GAPVD1: variants seen among roughly 807,000 people sequenced by gnomAD.
GAPVD1 encodes GTPase-activating protein and VPS9 domain-containing protein 1.
GAPVD1 carries 35 observed loss-of-function variants against 155.5 expected under a neutral mutation model. The ratio of observed to expected loss-of-function variants is 0.23; its 90% confidence interval spans 0.17 to 0.30. The LOEUF (loss-of-function observed/expected upper bound fraction) is 0.30. Among genes scored for constraint, GAPVD1 ranks in the 10% least tolerant of loss-of-function variants. The pLI is 1.00. For synonymous variants in GAPVD1, 636 were observed against 619.7 expected (o/e 1.03, Z -0.39); for missense variants, 1,429 against 1,775.7 (o/e 0.80, Z 3.51).
chr9:125,307,580 A>G, intron 7 of GAPVD1, 33 bp downstream of exon 7: 1 of 1,597,988 alleles, frequency 6.3e-7, no homozygotes, highest in Non-Finnish European at 8.6e-7. Context: ...GAATTTCTCG[A>G]AAGTCTTTTA....
chr9:125,268,912 C>CT (rs766765394), intron 1 of GAPVD1, 24 bp from the exon 2 acceptor site: 6 of 151,724 alleles, frequency 4.0e-5, no homozygotes, highest in Non-Finnish European at 7.4e-5. Flanking sequence ...TTATTTTTTC[C>CT]TTTTTCCTTT....
intron 2 of GAPVD1, among the ~76,000 whole-genome samples, chr9:125,281,230 A>G (rs1297342447): frequency 4.6e-5 from 7 of 152,214 alleles, no homozygotes; most frequent in African/African-American, 1.4e-4. Flanking sequence ...TCAAGTTTGT[A>G]TAATTTTTTT....
intron 2 of GAPVD1, among the ~76,000 whole-genome samples, chr9:125,292,687 G>C (rs964809218): frequency 6.6e-6 from 1 of 152,174 alleles, no homozygotes; most frequent in Admixed American, 6.5e-5. Flanking sequence ...ACCACGCCCG[G>C]CTGGTCCAGG....
intron 4 of GAPVD1, among the ~76,000 whole-genome samples, chr9:125,300,034 A>T (rs1840546816): frequency 3.0e-4 from 6 of 20,314 alleles, no homozygotes; most frequent in African/African-American, 1.0e-3. Context: ...AAAAAAAAAA[A>T]AAAAATATAT....
intron 2 of GAPVD1, chr9:125,287,981 C>G (rs536297502): frequency 6.6e-6 from 1 of 152,122 alleles, no homozygotes; most frequent in East Asian, 1.9e-4. Context: ...CTCAAGTGAT[C>G]CGCCTGTCTT....
rs1399033266 is a variant in GAPVD1 at position 125,350,727 on chromosome 9, T to C, written c.3424T>C (p.Cys1142Arg). 6.6e-7 allele frequency: 1 copy of C among 1,526,014 alleles called. No homozygotes were observed. Among genetic ancestry groups the C allele is most frequent in the African/African-American group, 1.4e-5 (1 of 73,194 alleles). 94.5% of individuals were successfully genotyped at this position (1,526,014 alleles called of 1,614,324 possible). A position where few individuals can be genotyped will look rare whatever the true frequency, so the allele number is the denominator to read the frequency against. The change falls in exon 23 of 28, where the codon TGC becomes CGC. Residue 1142 changes from cysteine (C) to arginine (R), a missense_variant. Around this residue, in one of 4 missense-constraint regions of GAPVD1, gnomAD observed 699 missense variants for 826.0 expected, o/e 0.85. Coordinates refer to ENST00000297933, the MANE Select transcript of GAPVD1 (RefSeq NM_001282680.3). ...HTDPEDNEIV[C>R]FLKVQIAEAI... Reference sequence around the variant, plus strand: ...CTTTTATTTAGACAATGAAATTGTATGCTTCTTAAAAGTTCAAATAGCTGA... The same window carrying C: ...CTTTTATTTAGACAATGAAATTGTACGCTTCTTAAAAGTTCAAATAGCTGA...
At position 125,302,833 on chromosome 9, in the gene GAPVD1, T is replaced by A. The variant is rs768812788; in HGVS notation, c.1029+7T>A. 2.5e-6 allele frequency: 4 copies of A among 1,575,326 alleles called. No individual in the cohort carries two copies. Among genetic ancestry groups the A allele is most frequent in the Non-Finnish European group, 3.4e-6 (4 of 1,161,346 alleles). On this transcript the variant is annotated splice_region_variant and intron_variant, in intron 5 of 27. Coordinates refer to ENST00000297933, the MANE Select transcript of GAPVD1 (RefSeq NM_001282680.3). ...ACGATTTAATCTGATGCAGGTATGC[T>A]TTTGCTATTATTATTAACGTGGCAT...
intron 10 of GAPVD1, among the ~76,000 whole-genome samples, chr9:125,323,368 C>T (rs1048077643): frequency 1.1e-4 from 16 of 152,034 alleles, no homozygotes; most frequent in African/African-American, 3.1e-4. Context: ...TGCAGTGGCG[C>T]GATCTCGGCC....
At chr9:125,348,942 C>A (rs1243964684) in intron 20 of GAPVD1, among the ~76,000 whole-genome samples, 1 of 152,178 alleles carries the variant, frequency 6.6e-6, no homozygotes, top group Non-Finnish European at 1.5e-5. Context: ...ATCAGGAGAC[C>A]TTAACCCATA....
rs2132809263 is a variant in GAPVD1 at position 125,364,645 on chromosome 9, TAGAG to T, written c.*1905_*1908del. ...AGTGTGGGATGTGGTTTCTGCCTTC[TAGAG>T]AGAGATCAGAATTAAACTAGTACTA... On this transcript the variant is annotated 3_prime_UTR_variant, in exon 28 of 28. Coordinates refer to ENST00000297933, the MANE Select transcript of GAPVD1 (RefSeq NM_001282680.3). The T allele has an allele frequency of 6.6e-6, 1 of 152,384 alleles. No individual in the cohort carries two copies. The highest frequency in any genetic ancestry group is 2.4e-5 in the African/African-American group (1 of 41,590). 9.4% of individuals were successfully genotyped at this position (152,384 alleles called of 1,614,324 possible).
intron 4 of GAPVD1, among the ~76,000 whole-genome samples, chr9:125,301,642 GT>G (rs1471441007): frequency 6.6e-6 from 1 of 151,740 alleles, no homozygotes. Flanking sequence ...AGAAATGGGA[GT>G]TTCGCCGTGT....
intron 2 of GAPVD1, among the ~76,000 whole-genome samples, chr9:125,280,575 CTTT>C (rs1197408782): frequency 2.2e-5 from 3 of 137,652 alleles, no homozygotes; most frequent in Non-Finnish European, 3.2e-5. Flanking sequence ...GTTACTACTA[CTTT>C]TTTTTTTTTT....
chr9:125,275,033 T>C (rs980131380), intron 2 of GAPVD1, among the ~76,000 whole-genome samples: 9 of 152,172 alleles, frequency 5.9e-5, no homozygotes, highest in Non-Finnish European at 1.0e-4. Flanking sequence ...GACATCTTTC[T>C]TTTTTGTTGT....
At chr9:125,293,628 T>A (rs1327837233) in intron 2 of GAPVD1, among the ~76,000 whole-genome samples, 2 of 129,538 alleles carry the variant, frequency 1.5e-5, no homozygotes, top group African/African-American at 6.0e-5. Flanking sequence ...TTTATATATA[T>A]TATATATATA....
At chr9:125,266,733 C>G (rs623348) in intron 1 of GAPVD1, among the ~76,000 whole-genome samples, 4 of 151,948 alleles carry the variant, frequency 2.6e-5, no homozygotes, top group African/African-American at 9.7e-5. Flanking sequence ...GTATCTTTCC[C>G]TATTTTCTGC....
intron 17 of GAPVD1, among the ~76,000 whole-genome samples, chr9:125,338,016 C>T (rs995569482): frequency 6.6e-6 from 1 of 152,168 alleles, no homozygotes; most frequent in African/African-American, 2.4e-5. Context: ...GGTGGGACTA[C>T]AGGCATGCGC....
At chr9:125,352,249 G>C (rs760112112) in intron 23 of GAPVD1, among the ~76,000 whole-genome samples, 1 of 152,202 alleles carries the variant, frequency 6.6e-6, no homozygotes, top group African/African-American at 2.4e-5. Context: ...GACTCTTTGT[G>C]GGGGCTCCGA....
chr9:125,264,337 G>C (rs1833475671), intron 1 of GAPVD1, among the ~76,000 whole-genome samples: 1 of 152,116 alleles, frequency 6.6e-6, no homozygotes, highest in South Asian at 2.1e-4. Context: ...TGGGACTACA[G>C]ACACCAGCCA....
At chr9:125,265,515 A>T (rs1320905885) in intron 1 of GAPVD1, among the ~76,000 whole-genome samples, 3 of 151,164 alleles carry the variant, frequency 2.0e-5, no homozygotes, top group African/African-American at 7.3e-5. Flanking sequence ...GGTTCCAGCG[A>T]TTCTCCTGCC....
Sources: gnomAD v4.1 joint callset for allele counts (sites outside exome capture counted in the v4.1 genomes callset) on GRCh38, gnomAD v4.1.1 for gene constraint, gnomAD v4.1.1 regional missense constraint, MANE v1.5 for transcripts, NCBI Gene and HGNC (gene_info 2026-07-23, HGNC 2026-07-21) for gene names.